Variants in CNTN4 observed in about 807,000 individuals in gnomAD.
The protein encoded by CNTN4 is contactin-4.
In CNTN4, 77 loss-of-function variants were observed where a neutral mutation model predicts 122.5. That is an observed-to-expected ratio of 0.63 (90% CI 0.52 to 0.76). CNTN4 has a LOEUF of 0.76. Among genes scored for constraint, CNTN4 ranks in the 30% least tolerant of loss-of-function variants. The probability of loss-of-function intolerance (pLI) is 0.00; values close to 1 mark genes in which losing one functional copy is unlikely to be tolerated. For missense variants in CNTN4, 1,256 were observed against 1,259.1 expected (o/e 1.00, Z 0.04); for synonymous variants, 512 against 447.0 (o/e 1.15, Z -1.83).
intron 6 of CNTN4, among the ~76,000 whole-genome samples, chr3:2,767,590 A>G (rs1460865705): frequency 6.6e-6 from 1 of 152,156 alleles, no homozygotes; most frequent in Non-Finnish European, 1.5e-5. Context: ...GACAGACAAT[A>G]GAGATAACAG....
At chr3:2,864,754 A>AAAAAAAAAAAAAAAAAAC (rs2093706110) in intron 7 of CNTN4, among the ~76,000 whole-genome samples, 1 of 150,246 alleles carries the variant, frequency 6.7e-6, no homozygotes, top group Non-Finnish European at 1.5e-5. Flanking sequence ...AAAAAAAAAA[A>AAAAAAAAAAAAAAAAAAC]AGTTTCCGGT....
intron 2 of CNTN4, among the ~76,000 whole-genome samples, chr3:2,261,401 C>A (rs952679082): frequency 6.6e-6 from 1 of 152,122 alleles, no homozygotes; most frequent in Non-Finnish European, 1.5e-5. Context: ...TGCATGTGCT[C>A]TTATTGTCCA....
chr3:2,189,294 A>G (rs1026491018), intron 2 of CNTN4, among the ~76,000 whole-genome samples: 2 of 152,102 alleles, frequency 1.3e-5, no homozygotes, highest in African/African-American at 4.8e-5. Flanking sequence ...GGAGGTAGGG[A>G]GGAACAAGTC....
At chr3:2,173,405 A>C (rs997479602) in intron 2 of CNTN4, among the ~76,000 whole-genome samples, 1 of 152,286 alleles carries the variant, frequency 6.6e-6, no homozygotes, top group Non-Finnish European at 1.5e-5. Flanking sequence ...CCATAATGTA[A>C]TTTACCTGTA....
At chr3:2,164,085 G>T (rs12487151) in intron 2 of CNTN4, among the ~76,000 whole-genome samples, 13,344 of 151,910 alleles carry the variant, frequency 0.088, 1,115 homozygotes, top group East Asian at 0.32. Context: ...ACACTGCTTG[G>T]GTGATGAGTG....
intron 2 of CNTN4, among the ~76,000 whole-genome samples, chr3:2,195,157 A>G (rs1198306258): frequency 6.6e-6 from 1 of 152,150 alleles, no homozygotes; most frequent in Non-Finnish European, 1.5e-5. Context: ...TCCACGTGTA[A>G]GTGAGATCAT....
intron 2 of CNTN4, among the ~76,000 whole-genome samples, chr3:2,135,093 G>A (rs904061792): frequency 1.2e-4 from 19 of 152,150 alleles, no homozygotes; most frequent in African/African-American, 4.6e-4. Context: ...ATCTAGTGAA[G>A]TGCAGTGAAA....
intron 14 of CNTN4, among the ~76,000 whole-genome samples, chr3:2,990,946 G>A (rs377032413): frequency 5.9e-5 from 9 of 151,858 alleles, no homozygotes; most frequent in African/African-American, 7.3e-5. Flanking sequence ...TTCCACTAAC[G>A]GCAATAATAA....
chr3:2,502,265 A>G (rs2076615026), intron 3 of CNTN4, among the ~76,000 whole-genome samples: 1 of 152,076 alleles, frequency 6.6e-6, no homozygotes, highest in African/African-American at 2.4e-5. Context: ...TTAACACTTC[A>G]TGTGCTAAGG....
intron 11 of CNTN4, 117 bp downstream of exon 11, chr3:2,900,938 C>A: frequency 1.5e-6 from 2 of 1,298,430 alleles, no homozygotes; most frequent in Non-Finnish European, 2.2e-6. Flanking sequence ...AATGAAACAG[C>A]ATTATGGTGG....
chr3:2,906,309 C>CA (rs374800269), intron 12 of CNTN4, among the ~76,000 whole-genome samples: 11 of 152,028 alleles, frequency 7.2e-5, no homozygotes, highest in Admixed American at 6.6e-4. Flanking sequence ...ATCGTACTCT[C>CA]AAAAAATGCT....
chr3:2,167,063 AAAAT>A (rs1222154033), intron 2 of CNTN4, among the ~76,000 whole-genome samples: 1 of 152,192 alleles, frequency 6.6e-6, no homozygotes, highest in African/African-American at 2.4e-5. Context: ...AGATGTAATA[AAAAT>A]AAATTTAAAA....
intron 2 of CNTN4, among the ~76,000 whole-genome samples, chr3:2,164,239 A>AAC (rs2036095031): frequency 1.3e-5 from 2 of 151,972 alleles, no homozygotes; most frequent in Non-Finnish European, 2.9e-5. Context: ...AGGAAAAAAA[A>AAC]AACAACAACA....
intron 3 of CNTN4, among the ~76,000 whole-genome samples, chr3:2,468,884 G>C (rs2075594088): frequency 6.6e-6 from 1 of 152,132 alleles, no homozygotes; most frequent in South Asian, 2.1e-4. Flanking sequence ...TTATAAAGAA[G>C]GGAAAGTTTT....
chr3:2,297,542 G>A (rs1266680498), intron 2 of CNTN4, among the ~76,000 whole-genome samples: 4 of 152,084 alleles, frequency 2.6e-5, no homozygotes, highest in Non-Finnish European at 5.9e-5. Context: ...TCGTCTGTCT[G>A]ATTTCACCCT....
chr3:2,292,977 T>C (rs937823160), intron 2 of CNTN4, among the ~76,000 whole-genome samples: 1 of 152,318 alleles, frequency 6.6e-6, no homozygotes, highest in South Asian at 2.1e-4. Flanking sequence ...GCCAAGCTCT[T>C]CTTCAAAGTG....
intron 13 of CNTN4, among the ~76,000 whole-genome samples, chr3:2,956,624 ATAAAAAT>A (rs1297172492): frequency 2.6e-5 from 4 of 152,084 alleles, no homozygotes; most frequent in Admixed American, 2.6e-4. Context: ...TATTTAATTG[ATAAAAAT>A]TAAATATTCA....
chr3:2,472,653 A>G (rs149781880), intron 3 of CNTN4, among the ~76,000 whole-genome samples: 103 of 152,300 alleles, frequency 6.8e-4, no homozygotes, highest in African/African-American at 2.3e-3. Flanking sequence ...GGCAGAGGCA[A>G]TGTAGGGCCT....
intron 4 of CNTN4, among the ~76,000 whole-genome samples, chr3:2,734,436 G>A (rs2088929634): frequency 6.6e-6 from 1 of 152,132 alleles, no homozygotes; most frequent in Non-Finnish European, 1.5e-5. Flanking sequence ...AAACACTTCA[G>A]GCATGTAGAG....
Sources: allele counts gnomAD v4.1 joint callset (sites outside exome capture counted in the v4.1 genomes callset), GRCh38; gene constraint gnomAD v4.1.1; transcripts MANE v1.5; gene names NCBI Gene and HGNC (gene_info 2026-07-23, HGNC 2026-07-21).